Variants in TRPM3 observed in about 807,000 individuals in gnomAD.
TRPM3 encodes long transient receptor potential channel 3.
TRPM3 carries 77 observed loss-of-function variants against 181.2 expected under a neutral mutation model. The observed-to-expected ratio is 0.42, with a 90% CI of 0.35 to 0.51. The LOEUF (loss-of-function observed/expected upper bound fraction) is 0.51, where lower values mean the gene tolerates loss of function less well. TRPM3 is among the 20% of genes least tolerant of loss of function. TRPM3 has a pLI of 0.01. For synonymous variants in TRPM3, 745 were observed against 796.4 expected, an observed-to-expected ratio of 0.94 and a Z score of 1.09; for missense variants, 1,759 against 2,196.7, an observed-to-expected ratio of 0.80 and a Z score of 3.98.
At chr9:70,617,652 T>G (rs1054881372) in intron 17 of TRPM3, among the ~76,000 whole-genome samples, 6 of 152,088 alleles carry the variant, frequency 3.9e-5, no homozygotes, top group African/African-American at 1.4e-4. Context: ...GAGTGACCAT[T>G]TCACTATGTA....
At chr9:70,932,760 G>A (rs2096787870) in intron 1 of TRPM3, among the ~76,000 whole-genome samples, 1 of 152,168 alleles carries the variant, frequency 6.6e-6, no homozygotes, top group South Asian at 2.1e-4. Flanking sequence ...TAAGGTCTCA[G>A]ATCTCTATTC....
intron 1 of TRPM3, among the ~76,000 whole-genome samples, chr9:71,082,428 A>G (rs1591275160): frequency 6.6e-6 from 1 of 152,232 alleles, no homozygotes; most frequent in African/African-American, 2.4e-5. Flanking sequence ...TGTAATACCT[A>G]CTAGCATAAG....
At chr9:71,007,718 C>T (rs2097694955) in intron 1 of TRPM3, among the ~76,000 whole-genome samples, 1 of 151,914 alleles carries the variant, frequency 6.6e-6, no homozygotes, top group Non-Finnish European at 1.5e-5. Context: ...GTATGGAATA[C>T]AGCAAAATGA....
chr9:70,986,461 A>G (rs2097422708), intron 1 of TRPM3, among the ~76,000 whole-genome samples: 1 of 152,212 alleles, frequency 6.6e-6, no homozygotes, highest in African/African-American at 2.4e-5. Context: ...TCATTTCAAG[A>G]ACAAGTTTAT....
intron 1 of TRPM3, among the ~76,000 whole-genome samples, chr9:71,414,160 G>A (rs1222802807): frequency 6.6e-6 from 1 of 152,056 alleles, no homozygotes; most frequent in African/African-American, 2.4e-5. Context: ...CAAGCTGCAT[G>A]TCCTGTGGTC....
At chr9:70,597,860 A>G (rs1314429824) in intron 21 of TRPM3, among the ~76,000 whole-genome samples, 1 of 152,166 alleles carries the variant, frequency 6.6e-6, no homozygotes, top group South Asian at 2.1e-4. Flanking sequence ...GCACAAATAA[A>G]TTATGTTTTT....
chr9:71,054,215 G>A (rs1433876536), intron 1 of TRPM3, among the ~76,000 whole-genome samples: 7 of 152,058 alleles, frequency 4.6e-5, no homozygotes, highest in Admixed American at 2.6e-4. Context: ...ACCACCCAGT[G>A]GTTGTACTGA....
At chr9:70,587,613 T>TAG (rs2057362803) in intron 22 of TRPM3, among the ~76,000 whole-genome samples, 2 of 152,182 alleles carry the variant, frequency 1.3e-5, no homozygotes, top group South Asian at 2.1e-4. Context: ...TCCTCTTTTC[T>TAG]AAGTGGCTTT....
intron 1 of TRPM3, among the ~76,000 whole-genome samples, chr9:71,149,982 A>G (rs1013987416): frequency 1.6e-4 from 24 of 152,124 alleles, no homozygotes; most frequent in African/African-American, 5.3e-4. Context: ...TCAAATATAT[A>G]TAAACATATA....
chr9:70,686,603 T>TCCCG (rs1445065829), intron 8 of TRPM3, among the ~76,000 whole-genome samples: 1 of 26,248 alleles, frequency 3.8e-5, no homozygotes, highest in Non-Finnish European at 6.9e-5. Flanking sequence ...CCTCCCTCCC[T>TCCCG]CCCTCCCGCC....
At chr9:70,963,463 G>C (rs1202856835) in intron 1 of TRPM3, among the ~76,000 whole-genome samples, 7 of 152,152 alleles carry the variant, frequency 4.6e-5, no homozygotes. Context: ...GGCTAATCTG[G>C]AGAGGAGAGA....
chr9:71,001,262 G>A (rs896649053), intron 1 of TRPM3, among the ~76,000 whole-genome samples: 3 of 152,128 alleles, frequency 2.0e-5, no homozygotes, highest in African/African-American at 7.2e-5. Flanking sequence ...GCCCACATGG[G>A]GCTCATGTCT....
At chr9:71,045,112 T>A (rs918241436) in intron 1 of TRPM3, among the ~76,000 whole-genome samples, 4 of 151,714 alleles carry the variant, frequency 2.6e-5, no homozygotes, top group Non-Finnish European at 4.4e-5. Flanking sequence ...TATTATTATT[T>A]TGGAGATGGA....
At chr9:70,983,178 T>C (rs1173990994) in intron 1 of TRPM3, among the ~76,000 whole-genome samples, 1 of 152,142 alleles carries the variant, frequency 6.6e-6, no homozygotes, top group African/African-American at 2.4e-5. Context: ...ACAACCTCTC[T>C]TCTCTTGATG....
intron 12 of TRPM3, 138 bp downstream of exon 12, chr9:70,635,073 A>T (rs1163524885): frequency 3.0e-6 from 2 of 661,306 alleles, no homozygotes; most frequent in Admixed American, 5.3e-5. Context: ...ACACACACAC[A>T]CACACACACT....
At chr9:70,960,688 T>C (rs545722973) in intron 1 of TRPM3, among the ~76,000 whole-genome samples, 1 of 152,172 alleles carries the variant, frequency 6.6e-6, no homozygotes, top group Non-Finnish European at 1.5e-5. Flanking sequence ...AAGCATAGCA[T>C]GGGTGGGCAC....
At chr9:70,596,146 C>T (rs1160823263) in intron 21 of TRPM3, among the ~76,000 whole-genome samples, 2 of 152,108 alleles carry the variant, frequency 1.3e-5, no homozygotes, top group African/African-American at 4.8e-5. Flanking sequence ...TGTATTATTT[C>T]TAATAATTAC....
chr9:71,152,500 G>C (rs2075786237), intron 1 of TRPM3, among the ~76,000 whole-genome samples: 2 of 152,014 alleles, frequency 1.3e-5, no homozygotes, highest in Non-Finnish European at 2.9e-5. Flanking sequence ...CATTTAACTA[G>C]ATCATTTATA....
chr9:70,797,777 T>C (rs2087593529), intron 6 of TRPM3, among the ~76,000 whole-genome samples: 1 of 152,184 alleles, frequency 6.6e-6, no homozygotes, highest in African/African-American at 2.4e-5. Context: ...GCTCTGCTTC[T>C]TCTTGGCATC....
Sources: allele counts gnomAD v4.1 joint callset (sites outside exome capture counted in the v4.1 genomes callset), GRCh38; gene constraint gnomAD v4.1.1; transcripts MANE v1.5; gene names NCBI Gene and HGNC (gene_info 2026-07-23, HGNC 2026-07-21).